Variants in RBFOX1 observed in about 807,000 individuals in gnomAD.
RBFOX1 encodes the protein RNA binding fox-1 homolog 1.
In RBFOX1, 8 loss-of-function variants were observed where a neutral mutation model predicts 57.7. That is an observed-to-expected ratio of 0.14 (90% confidence interval 0.08 to 0.25). The LOEUF is 0.25. Ranked by LOEUF, RBFOX1 falls within the 10% of genes least tolerant of loss-of-function variation. RBFOX1 has a pLI of 1.00. For missense variants in RBFOX1, 611 were observed against 548.5 expected (o/e 1.11, Z -1.14); for synonymous variants, 326 against 222.4 (o/e 1.47, Z -4.15).
At chr16:6,477,502 G>A (rs1283090999) in intron 2 of RBFOX1, among the ~76,000 whole-genome samples, 1 of 152,142 alleles carries the variant, frequency 6.6e-6, no homozygotes, top group African/African-American at 2.4e-5. Context: ...CTGAATAGTA[G>A]GTGTTAATAG....
chr16:5,607,701 C>A (rs987913167), intron 3 of RBFOX1, among the ~76,000 whole-genome samples: 9 of 152,198 alleles, frequency 5.9e-5, no homozygotes, highest in African/African-American at 2.2e-4. Flanking sequence ...ATACTTCTCT[C>A]TGTCGACACT....
At chr16:5,404,062 G>T (rs1440351835) in intron 1 of RBFOX1, among the ~76,000 whole-genome samples, 1 of 136,794 alleles carries the variant, frequency 7.3e-6, no homozygotes, top group Non-Finnish European at 1.5e-5. Context: ...AGCTTGGCTT[G>T]TCTGAGTCAT....
chr16:7,594,527 C>G (rs2094593326), intron 7 of RBFOX1, among the ~76,000 whole-genome samples: 1 of 152,080 alleles, frequency 6.6e-6, no homozygotes, highest in Non-Finnish European at 1.5e-5. Context: ...TACTTAGGAA[C>G]AATGTCAGTG....
chr16:6,945,528 C>T (rs752986831), intron 3 of RBFOX1, among the ~76,000 whole-genome samples: 4 of 151,870 alleles, frequency 2.6e-5, no homozygotes, highest in Non-Finnish European at 4.4e-5. Context: ...ACTACCTGAC[C>T]ATGTAAAGCC....
chr16:5,668,297 C>G (rs1321839590), intron 3 of RBFOX1, among the ~76,000 whole-genome samples: 1 of 151,942 alleles, frequency 6.6e-6, no homozygotes, highest in East Asian at 1.9e-4. Flanking sequence ...AACAAAAACA[C>G]CAATTTAAAA....
intron 1 of RBFOX1, among the ~76,000 whole-genome samples, chr16:6,239,098 A>G (rs141470759): frequency 8.5e-5 from 13 of 152,202 alleles, no homozygotes; most frequent in African/African-American, 2.9e-4. Context: ...TCTAATATAA[A>G]GCTTACCCTA....
At chr16:7,219,939 T>C (rs1327730556) in intron 4 of RBFOX1, among the ~76,000 whole-genome samples, 4 of 152,222 alleles carry the variant, frequency 2.6e-5, no homozygotes, top group Non-Finnish European at 5.9e-5. Flanking sequence ...TTAGTAGCTA[T>C]TTAGGAAATT....
chr16:6,992,498 G>C (rs546450157), intron 3 of RBFOX1, among the ~76,000 whole-genome samples: 7 of 152,230 alleles, frequency 4.6e-5, no homozygotes, highest in African/African-American at 1.4e-4. Flanking sequence ...ACAGGCGTGA[G>C]CTACTGCATC....
intron 4 of RBFOX1, among the ~76,000 whole-genome samples, chr16:7,169,836 C>T (rs963074880): frequency 6.6e-6 from 1 of 151,246 alleles, no homozygotes; most frequent in Non-Finnish European, 1.5e-5. Context: ...TTGGCAGGGC[C>T]AAAGCAGGCT....
chr16:5,611,917 C>G (rs2151250498), intron 3 of RBFOX1, among the ~76,000 whole-genome samples: 1 of 151,588 alleles, frequency 6.6e-6, no homozygotes, highest in Non-Finnish European at 1.5e-5. Flanking sequence ...CACTTGAGGA[C>G]AGCAATTAGA....
At chr16:5,737,603 C>G (rs77643347) in intron 3 of RBFOX1, among the ~76,000 whole-genome samples, 1,845 of 149,534 alleles carry the variant, frequency 0.012, 33 homozygotes, top group African/African-American at 0.042. Context: ...ACTCTTTATC[C>G]TGCTTTTTGT....
At chr16:6,075,809 T>C (rs975324590) in intron 1 of RBFOX1, among the ~76,000 whole-genome samples, 1 of 152,220 alleles carries the variant, frequency 6.6e-6, no homozygotes, top group Non-Finnish European at 1.5e-5. Context: ...GAATTAACTG[T>C]AACTATCTCA....
At chr16:5,674,700 TG>T (rs2050114172) in intron 3 of RBFOX1, among the ~76,000 whole-genome samples, 1 of 152,220 alleles carries the variant, frequency 6.6e-6, no homozygotes. Context: ...GCATGGACGT[TG>T]GAGAAAGGTT....
intron 3 of RBFOX1, among the ~76,000 whole-genome samples, chr16:6,868,144 G>T (rs1203638960): frequency 1.3e-5 from 2 of 152,160 alleles, no homozygotes; most frequent in African/African-American, 4.8e-5. Flanking sequence ...TTTGAAATTA[G>T]CAAATAATTA....
chr16:7,227,609 G>T (rs1356061628), intron 4 of RBFOX1, among the ~76,000 whole-genome samples: 6 of 152,162 alleles, frequency 3.9e-5, no homozygotes. Flanking sequence ...AGCTGCACGC[G>T]CAAGCATTCC....
chr16:7,201,785 C>A lies in RBFOX1; in HGVS notation c.27+149687C>A, dbSNP rs566502423. On this transcript the variant is annotated intron_variant, in intron 4 of 15. Coordinates refer to ENST00000550418, the MANE Select transcript of RBFOX1 (RefSeq NM_018723.4). ...GCCGATCTGATTCTTATTTACAAAG[C>A]TTACCCAGGCTGGTAGAGAATGGGC... Among the ~76,000 whole-genome samples the A allele has an allele frequency of 2.7e-4, 41 of 152,230 alleles. 1 individual carries two copies. Among genetic ancestry groups the A allele is most frequent in the African/African-American group, 9.1e-4 (38 of 41,544 alleles).
intron 1 of RBFOX1, among the ~76,000 whole-genome samples, chr16:6,120,886 G>A (rs1033669113): frequency 3.9e-5 from 6 of 152,142 alleles, no homozygotes; most frequent in Admixed American, 2.0e-4. Context: ...CTGGATTTAT[G>A]GTGGGGGCTG....
chr16:7,362,875 C>T (rs2097356407), intron 4 of RBFOX1, among the ~76,000 whole-genome samples: 1 of 152,124 alleles, frequency 6.6e-6, no homozygotes, highest in Admixed American at 6.5e-5. Flanking sequence ...GTTAAGAGTC[C>T]AGATGTGAGA....
intron 3 of RBFOX1, among the ~76,000 whole-genome samples, chr16:5,628,613 A>G (rs2151298324): frequency 6.6e-6 from 1 of 152,324 alleles, no homozygotes; most frequent in South Asian, 2.1e-4. Flanking sequence ...CATCTGCAAT[A>G]AGAGCGAAGA....
Sources: allele counts gnomAD v4.1 joint callset (sites outside exome capture counted in the v4.1 genomes callset), GRCh38; gene constraint gnomAD v4.1.1; transcripts MANE v1.5; gene names NCBI Gene and HGNC (gene_info 2026-07-23, HGNC 2026-07-21).